PLEKHD1: variants seen among roughly 807,000 people sequenced by gnomAD.
The protein encoded by PLEKHD1 is pleckstrin homology and coiled-coil domain containing D1.
PLEKHD1 carries 51 observed loss-of-function variants against 69.2 expected under a neutral mutation model. That is an observed-to-expected ratio of 0.74 (90% CI 0.59 to 0.93). The LOEUF is 0.93. Among genes scored for constraint, PLEKHD1 ranks in the 40% least tolerant of loss-of-function variants. The probability of loss-of-function intolerance (pLI) is 0.00; values close to 1 mark genes in which losing one functional copy is unlikely to be tolerated. For missense variants in PLEKHD1, 584 were observed against 641.0 expected, an observed-to-expected ratio of 0.91 and a Z score of 0.96; for synonymous variants, 236 against 244.7, an observed-to-expected ratio of 0.96 and a Z score of 0.33.
At chr14:69,517,968 G>T (rs1222669401) in intron 6 of PLEKHD1, among the ~76,000 whole-genome samples, 2 of 151,976 alleles carry the variant, frequency 1.3e-5, no homozygotes, top group African/African-American at 4.8e-5. Context: ...TTTGATGTTT[G>T]CATTTGATCT....
At chr14:69,498,588 T>TTTCCTC (rs1203295393) in intron 1 of PLEKHD1, among the ~76,000 whole-genome samples, 2 of 108,584 alleles carry the variant, frequency 1.8e-5, no homozygotes, top group African/African-American at 7.2e-5. Flanking sequence ...TTCTTTTTGT[T>TTTCCTC]TTCTCTTCTC....
In PLEKHD1 at chr14:69,485,130, C is replaced by T. The variant is rs1209112499; in HGVS notation, c.149+16C>T. 6.5e-7 allele frequency: 1 copy of T among 1,545,474 alleles called. No homozygotes were observed. Among genetic ancestry groups the T allele is most frequent in the South Asian group, 1.2e-5 (1 of 83,872 alleles). ...GGTCCCGGCGGTGAGTGCGCCCCCG[C>T]GCCCCAAGGAGACCGCCGGGGAGAG... On this transcript the variant is annotated intron_variant, in intron 1 of 12. Coordinates refer to ENST00000322564, the MANE Select transcript of PLEKHD1 (RefSeq NM_001161498.2).
At chr14:69,481,730 A>G (rs1882544870), upstream of PLEKHD1, among the ~76,000 whole-genome samples, 1 of 152,234 alleles carries the variant, frequency 6.6e-6, no homozygotes, top group South Asian at 2.1e-4. Flanking sequence ...TCTATAGTAA[A>G]AATTAAATGA....
At chr14:69,508,646 G>T (rs964696315) in intron 6 of PLEKHD1, among the ~76,000 whole-genome samples, 3 of 152,112 alleles carry the variant, frequency 2.0e-5, no homozygotes, top group African/African-American at 7.2e-5. Context: ...GGCAAACATG[G>T]GACTAAAAGA....
At chr14:69,491,034 A>C (rs1882767113) in intron 1 of PLEKHD1, among the ~76,000 whole-genome samples, 1 of 152,168 alleles carries the variant, frequency 6.6e-6, no homozygotes, top group Non-Finnish European at 1.5e-5. Flanking sequence ...GAGTGAGATA[A>C]ATTTGGTCCC....
chr14:69,518,770 G>A (rs889908328), intron 6 of PLEKHD1, among the ~76,000 whole-genome samples: 5 of 152,138 alleles, frequency 3.3e-5, no homozygotes, highest in African/African-American at 9.7e-5. Context: ...TGGCCTCAAG[G>A]GGGATAAGCC....
chr14:69,523,200 G>A (rs978815949), intron 7 of PLEKHD1, among the ~76,000 whole-genome samples: 2 of 152,106 alleles, frequency 1.3e-5, no homozygotes, highest in Non-Finnish European at 2.9e-5. Context: ...CCAAAGTGTT[G>A]GGATTACAGG....
chr14:69,511,261 C>T (rs575580479), intron 6 of PLEKHD1, among the ~76,000 whole-genome samples: 7 of 152,238 alleles, frequency 4.6e-5, no homozygotes, highest in South Asian at 2.1e-4. Context: ...TGGGTTCAAG[C>T]GATCCTCCTG....
At chr14:69,507,541 G>A (rs1883179079) in intron 6 of PLEKHD1, among the ~76,000 whole-genome samples, 1 of 152,162 alleles carries the variant, frequency 6.6e-6, no homozygotes. Flanking sequence ...TATGATTGTT[G>A]GATTGCATGG....
chr14:69,524,887 C>T lies in PLEKHD1; in HGVS notation c.744+565C>T, dbSNP rs534947217. On this transcript the variant is annotated intron_variant, in intron 8 of 12. Transcript: ENST00000322564. The stretch of plus-strand genomic sequence containing the variant: ...CTTCCCTTCACTGCTCCTCCATGCC[C>T]TGCACAGACTCCCAACCCCTGCTCC... 3.3e-5 allele frequency among the ~76,000 whole-genome samples: 5 copies of T among 152,020 alleles called. No homozygotes were observed. The East Asian group carries it at 9.7e-4, about 29-fold the overall frequency.
intron 1 of PLEKHD1, among the ~76,000 whole-genome samples, chr14:69,493,054 A>C (rs1456940182): frequency 1.3e-5 from 2 of 152,230 alleles, no homozygotes; most frequent in Non-Finnish European, 2.9e-5. Context: ...GGCGTGAGCC[A>C]CCACACCCGG....
chr14:69,507,463 A>G (rs1379785435), intron 6 of PLEKHD1, among the ~76,000 whole-genome samples: 2 of 152,234 alleles, frequency 1.3e-5, no homozygotes, highest in South Asian at 2.1e-4. Flanking sequence ...TAAAATTGCT[A>G]TAAACATCCA....
Position 69,507,049 on chromosome 14 carries a change from C to T in PLEKHD1, c.555+4170C>T, listed in dbSNP as rs137926639. On this transcript the variant is annotated intron_variant, in intron 6 of 12. Coordinates refer to ENST00000322564, the MANE Select transcript of PLEKHD1 (RefSeq NM_001161498.2). Reference sequence around the variant, plus strand: ...TCCTGAGTAGCTGGGAATACAGGCGCGTGCCACCATTTTTGTATTTTTAGA... The same window carrying T: ...TCCTGAGTAGCTGGGAATACAGGCGTGTGCCACCATTTTTGTATTTTTAGA... 6.2e-3 allele frequency among the ~76,000 whole-genome samples: 942 copies of T among 152,012 alleles called. 8 individuals carry two copies. The highest frequency in any genetic ancestry group is 0.019 in the African/African-American group (772 of 41,464).
chr14:69,522,348 G>A lies in PLEKHD1; in HGVS notation c.621G>A (p.Glu207=). 1 of 1,551,602 alleles carries A rather than the reference G, an allele frequency of 6.4e-7. No homozygotes were observed. The highest frequency in any genetic ancestry group is 8.7e-7 in the Non-Finnish European group (1 of 1,146,942). The change falls in exon 7 of 13, where the codon GAG becomes GAA. Residue 207 remains glutamate (E), a synonymous_variant. Transcript: ENST00000322564. ...AGCAGTTCGAGGAGGTGGTGCAGGAGCTGAGAATGGAGCAGGAGCAGATCA... is the reference window on the plus strand; with the variant it reads ...AGCAGTTCGAGGAGGTGGTGCAGGAACTGAGAATGGAGCAGGAGCAGATCA... ...EKQQFEEVVQ[E]LRMEQEQIKR...
rs772161082 is a variant in PLEKHD1 at position 69,526,065 on chromosome 14, G to A, written c.866G>A (p.Arg289Gln). 34 of 1,551,616 alleles carry A rather than the reference G, an allele frequency of 2.2e-5. No homozygotes were observed. The highest frequency in any genetic ancestry group is 1.7e-4 in the Middle Eastern group (1 of 5,992). Residue 289 changes from arginine to glutamine, a missense_variant, in exon 9 of 13, where the codon CGG becomes CAG. Transcript: ENST00000322564. ...PPSGGLHSNLRQIEEKMQQLL... is the reference protein window; with the variant it reads ...PPSGGLHSNLQQIEEKMQQLL... Reference sequence around the variant, plus strand: ...AGTGGGGGCCTCCATAGCAACCTCCGGCAGATCGAGGAGAAGATGCAGCAG... The same window carrying A: ...AGTGGGGGCCTCCATAGCAACCTCCAGCAGATCGAGGAGAAGATGCAGCAG...
the PLEKHD1 span, among the ~76,000 whole-genome samples, chr14:69,474,304 C>T: frequency 6.6e-6 from 1 of 152,080 alleles, no homozygotes; most frequent in South Asian, 2.1e-4. Flanking sequence ...TTCCAGAAAC[C>T]CAGACCCCCA....
At chr14:69,527,058 C>G in intron 10 of PLEKHD1, 130 bp from the exon 11 acceptor site, 1 of 1,269,292 alleles carries the variant, frequency 7.9e-7, no homozygotes, top group Non-Finnish European at 1.1e-6. Flanking sequence ...AAGGGTAAGA[C>G]TCAGAAGCGG....
At chr14:69,528,065 G>C in intron 12 of PLEKHD1, 133 bp downstream of exon 12, 2 of 1,464,656 alleles carry the variant, frequency 1.4e-6, no homozygotes, top group South Asian at 2.5e-5. Flanking sequence ...CCATCCTTGG[G>C]CAAACGGGTG....
intron 1 of PLEKHD1, among the ~76,000 whole-genome samples, chr14:69,488,293 T>A (rs993057631): frequency 3.3e-5 from 5 of 152,172 alleles, no homozygotes; most frequent in Admixed American, 2.6e-4. Context: ...CCACAGGGAT[T>A]TGGAGCCCAG....
Sources: gnomAD v4.1 joint callset for allele counts (sites outside exome capture counted in the v4.1 genomes callset) on GRCh38, gnomAD v4.1.1 for gene constraint, MANE v1.5 for transcripts, NCBI Gene and HGNC (gene_info 2026-07-23, HGNC 2026-07-21) for gene names.